The following RSRP1 variants were observed in gnomAD, a reference collection of about 807,000 sequenced individuals.
RSRP1 encodes the protein arginine and serine rich protein 1.
A neutral mutation model predicts 33.0 loss-of-function variants in RSRP1; 37 were observed. The observed-to-expected ratio is 1.12, with a 90% CI of 0.86 to 1.48. The LOEUF (loss-of-function observed/expected upper bound fraction) is 1.48, where lower values mean the gene tolerates loss of function less well. Among genes scored for constraint, RSRP1 ranks in the 40% most tolerant of loss-of-function variants. RSRP1 has a pLI of 0.00. For missense variants in RSRP1, 402 were observed against 385.3 expected (o/e 1.04, Z -0.36); for synonymous variants, 167 against 158.7 (o/e 1.05, Z -0.40).
At chr1:25,309,231 G>T (rs1241413722) in intron 1 of RSRP1, among the ~76,000 whole-genome samples, 1 of 131,368 alleles carries the variant, frequency 7.6e-6, no homozygotes, top group African/African-American at 2.7e-5. Flanking sequence ...ACAAACTGTG[G>T]GATTTTTAAG....
chr1:25,252,242 T>C (rs1639808675), upstream of RSRP1, among the ~76,000 whole-genome samples: 1 of 151,552 alleles, frequency 6.6e-6, no homozygotes, highest in African/African-American at 2.4e-5. Flanking sequence ...TTTTTTTTTT[T>C]AGTAGAGACA....
chr1:25,249,830 T>A (rs1481263905), upstream of RSRP1, among the ~76,000 whole-genome samples: 1 of 152,150 alleles, frequency 6.6e-6, no homozygotes, highest in East Asian at 1.9e-4. Flanking sequence ...ATGAAAAAAA[T>A]TCAACTTTAG....
intron 1 of RSRP1, among the ~76,000 whole-genome samples, chr1:25,260,782 C>A (rs1361171283): frequency 6.6e-6 from 1 of 151,522 alleles, no homozygotes; most frequent in East Asian, 1.9e-4. Flanking sequence ...TGCTTTTACA[C>A]TTCTGGTGTC....
chr1:25,318,382 G>T (rs528240833), intron 1 of RSRP1: 1 of 131,592 alleles, frequency 7.6e-6, no homozygotes, highest in Non-Finnish European at 1.8e-5. Flanking sequence ...GAGGTCAGGA[G>T]TTCGAGACCA....
intron 1 of RSRP1, among the ~76,000 whole-genome samples, chr1:25,276,388 A>G (rs1640958608): frequency 8.2e-6 from 1 of 122,538 alleles, no homozygotes. Context: ...GTTTTCGTAT[A>G]TGCTTTAAAA....
At chr1:25,257,042 TAGTATTACTTTTATTGCTA>T (rs1639971002) in intron 1 of RSRP1, among the ~76,000 whole-genome samples, 1 of 152,228 alleles carries the variant, frequency 6.6e-6, no homozygotes, top group South Asian at 2.1e-4. Flanking sequence ...CTGCTTTAAG[TAGTATTACTTTTATTGCTA>T]TATTACTTTT....
At chr1:25,244,555 G>T (rs190581526) in intron 3 of RSRP1, 3 of 1,288,280 alleles carry the variant, frequency 2.3e-6, no homozygotes, top group Middle Eastern at 2.1e-4. Flanking sequence ...TACAGAATTT[G>T]TGGGAACATA....
rs917624914 is a variant in RSRP1, at chr1:25,337,158, T to G, written c.-67+820A>C. The stretch of plus-strand genomic sequence containing the variant: ...CAAAGCCGCAGCAACGCCGTCTCTG[T>G]GTGATCGCATGTGCCCTTCTGCACA... On this transcript the variant is annotated intron_variant, in intron 1 of 1. Coordinates refer to the RSRP1 transcript ENST00000561867. The G allele has an allele frequency of 2.0e-5, 3 of 151,864 alleles. No individual in the cohort carries two copies. In the South Asian group the frequency reaches 6.2e-4, roughly 32 times the overall value. The allele number at this position is 151,864 out of a possible 1,614,324, so 9.4% of individuals were successfully genotyped here.
At chr1:25,294,090 T>G in intron 1 of RSRP1, 1 of 669,584 alleles carries the variant, frequency 1.5e-6, no homozygotes, top group Non-Finnish European at 2.8e-6. Flanking sequence ...TCTTCCTTAT[T>G]GTGAGCTTAA....
At chr1:25,259,732 T>C (rs1404255705) in intron 1 of RSRP1, among the ~76,000 whole-genome samples, 2 of 150,750 alleles carry the variant, frequency 1.3e-5, no homozygotes, top group African/African-American at 4.9e-5. Flanking sequence ...CCAGGATCTC[T>C]TGGCCTCATG....
At position 25,276,890 on chromosome 1, in the gene RSRP1, C is replaced by T. The variant is rs1187904755; in HGVS notation, c.-66-29861G>A. Among the ~76,000 whole-genome samples, 23 of 130,844 alleles carry T rather than the reference C, an allele frequency of 1.8e-4. 7 individuals carry two copies. Among genetic ancestry groups the T allele is most frequent in the Non-Finnish European group, 2.5e-4 (14 of 55,386 alleles). The allele number at this position is 130,844 out of a possible 152,430, so 85.8% of individuals were successfully genotyped here. On this transcript the variant is annotated intron_variant, in intron 1 of 1. Transcript: ENST00000561867. ...GACCATCCTGGCTAACACGATGAAA[C>T]CCCATCTCTACCAAAAATACAAAAA...
Position 25,244,110 on chromosome 1 carries a change from T to A in RSRP1, c.673-477A>T, listed in dbSNP as rs145508686. On this transcript the variant is annotated intron_variant, in intron 3 of 4. Transcript: ENST00000243189. Reference sequence around the variant, plus strand: ...GGGAGTCTTGCTCTGTCACCCAGGCTGGAGTGAAAAGTACAGTGCAATTTG... The same window carrying A: ...GGGAGTCTTGCTCTGTCACCCAGGCAGGAGTGAAAAGTACAGTGCAATTTG... The A allele has an allele frequency of 2.9e-4, 372 of 1,265,394 alleles. 3 individuals are homozygous for A. The African/African-American group carries it at 5.3e-3, about 18-fold the overall frequency. 78.4% of individuals were successfully genotyped at this position (1,265,394 alleles called of 1,614,324 possible).
rs1639255276 is a variant in RSRP1, at chr1:25,245,218, T to C, written c.604A>G (p.Arg202Gly). The change falls in exon 3 of 5, where the codon AGA (arginine) becomes GGA (glycine). Residue 202 changes from arginine (R) to glycine (G), a missense_variant. Physicochemically the swap from Arg to Gly is moderately radical, Grantham distance 125. Coordinates refer to ENST00000243189, the MANE Select transcript of RSRP1 (RefSeq NM_020317.5). ...TTNIDLPASL[R>G]TVPSAKETSR... Reference sequence around the variant, plus strand: ...GTTTCTTTGGCTGAAGGAACAGTTCTGAGACTAGCTGGCAAGTCAATGTTG... The same window carrying C: ...GTTTCTTTGGCTGAAGGAACAGTTCCGAGACTAGCTGGCAAGTCAATGTTG... The C allele has an allele frequency of 6.2e-7, 1 of 1,614,158 alleles. No individual in the cohort carries two copies. Among genetic ancestry groups the C allele is most frequent in the Non-Finnish European group, 8.5e-7 (1 of 1,180,028 alleles).
rs1644356101 is a variant in RSRP1, at chr1:25,314,925, G to C, written c.-67+23053C>G. ...TATGTCCTTTTTAAGAATTTTTGCA[G>C]CCAGCGCGGTGGCTCACACCTGTAA... On this transcript the variant is annotated intron_variant, in intron 1 of 1. Transcript: ENST00000561867. 1.5e-5 allele frequency among the ~76,000 whole-genome samples: 2 copies of C among 130,508 alleles called. 1 individual carries two copies. Among genetic ancestry groups the C allele is most frequent in the African/African-American group, 5.2e-5 (2 of 38,334 alleles). 85.6% of individuals were successfully genotyped at this position (130,508 alleles called of 152,430 possible). A position where few individuals can be genotyped will look rare whatever the true frequency, so the allele number is the denominator to read the frequency against.
At chr1:25,274,974 C>A (rs1640825206) in intron 1 of RSRP1, among the ~76,000 whole-genome samples, 1 of 131,436 alleles carries the variant, frequency 7.6e-6, no homozygotes, top group Admixed American at 7.4e-5. Flanking sequence ...AAAACAACAA[C>A]AAGAACAACA....
At chr1:25,280,308 CT>C (rs76220916) in intron 1 of RSRP1, among the ~76,000 whole-genome samples, 2,157 of 113,010 alleles carry the variant, frequency 0.019, 344 homozygotes, top group African/African-American at 0.057. Flanking sequence ...TTCCTCATCT[CT>C]TTTTTTTTTT....
rs1639460941 is a variant in RSRP1, at chr1:25,246,776, C to G, written c.188G>C (p.Arg63Thr). Residue 63 changes from arginine to threonine, a missense_variant, in exon 2 of 5, where the codon AGG becomes ACG. Transcript: ENST00000243189. Reference protein sequence around the residue: ...FSSRSRRSKSRSRSRRRHQRK... With the variant: ...FSSRSRRSKSTSRSRRRHQRK... The stretch of plus-strand genomic sequence containing the variant: ...CTGGTGGCGCCTTCGGGAACGGGAC[C>G]TGGACTTGCTCCTCCGACTCCTGGA... 1 of 1,613,084 alleles carries G rather than the reference C, an allele frequency of 6.2e-7. No individual in the cohort carries two copies. Among genetic ancestry groups the G allele is most frequent in the Non-Finnish European group, 8.5e-7 (1 of 1,179,416 alleles).
chr1:25,258,954 A>G (rs1440483203), intron 1 of RSRP1, among the ~76,000 whole-genome samples: 1 of 152,146 alleles, frequency 6.6e-6, no homozygotes, highest in African/African-American at 2.4e-5. Context: ...CTTTGAGGAG[A>G]ATCTCACCAT....
At chr1:25,336,502 G>A (rs1406119676) in intron 1 of RSRP1, 1 of 146,918 alleles carries the variant, frequency 6.8e-6, no homozygotes, top group African/African-American at 2.7e-5. Flanking sequence ...AAAAGGTAAA[G>A]AATGACAAAT....
Sources: gnomAD v4.1 joint callset for allele counts (sites outside exome capture counted in the v4.1 genomes callset) on GRCh38, gnomAD v4.1.1 for gene constraint, MANE v1.5 for transcripts, NCBI Gene and HGNC (gene_info 2026-07-23, HGNC 2026-07-21) for gene names.